Variants in CNTNAP2 observed in about 807,000 individuals in gnomAD.
CNTNAP2 encodes contactin-associated protein-like 2.
CNTNAP2 carries 98 observed loss-of-function variants against 155.2 expected under a neutral mutation model. The ratio of observed to expected loss-of-function variants is 0.63; its 90% CI spans 0.54 to 0.75. The LOEUF is 0.75. Ranked by LOEUF, CNTNAP2 falls within the 30% of genes least tolerant of loss-of-function variation. CNTNAP2 has a pLI of 0.00. For synonymous variants in CNTNAP2, 651 were observed against 631.2 expected, an observed-to-expected ratio of 1.03 and a Z score of -0.47; for missense variants, 1,727 against 1,688.1, an observed-to-expected ratio of 1.02 and a Z score of -0.40.
intron 1 of CNTNAP2, among the ~76,000 whole-genome samples, chr7:146,176,369 A>T (rs1798470059): frequency 6.6e-6 from 1 of 152,164 alleles, no homozygotes; most frequent in Admixed American, 6.5e-5. Flanking sequence ...TAGGGACTGG[A>T]GGCGTAAAGG....
intron 12 of CNTNAP2, among the ~76,000 whole-genome samples, chr7:147,568,426 G>A (rs577238825): frequency 1.4e-3 from 212 of 152,250 alleles, no homozygotes; most frequent in Non-Finnish European, 2.8e-3. Context: ...AAATTAGGGG[G>A]TGTCCTAAAT....
chr7:146,685,228 G>A (rs958385740), intron 1 of CNTNAP2, among the ~76,000 whole-genome samples: 5 of 152,116 alleles, frequency 3.3e-5, no homozygotes, highest in African/African-American at 1.2e-4. Flanking sequence ...CCACTATCAT[G>A]CCGATTTCAA....
At chr7:146,362,532 G>A (rs1205545870) in intron 1 of CNTNAP2, among the ~76,000 whole-genome samples, 4 of 152,138 alleles carry the variant, frequency 2.6e-5, no homozygotes, top group Non-Finnish European at 5.9e-5. Flanking sequence ...CTTGAGGCAA[G>A]AAATATGTTT....
At chr7:148,364,658 T>C (rs558620018) in intron 21 of CNTNAP2, among the ~76,000 whole-genome samples, 21 of 152,210 alleles carry the variant, frequency 1.4e-4, no homozygotes, top group South Asian at 4.2e-4. Context: ...CTGATGGGGA[T>C]GTGGAGAACC....
At chr7:146,426,772 A>G (rs1584920096) in intron 1 of CNTNAP2, among the ~76,000 whole-genome samples, 1 of 151,996 alleles carries the variant, frequency 6.6e-6, no homozygotes, top group African/African-American at 2.4e-5. Flanking sequence ...AGTTCAAGAG[A>G]TCTTTTATAC....
At position 148,167,802 on chromosome 7, in the gene CNTNAP2, G is replaced by A. The variant is rs1262176621; in HGVS notation, c.2774-4440G>A. Among the ~76,000 whole-genome samples the A allele has an allele frequency of 2.0e-5, 3 of 152,132 alleles. No individual in the cohort carries two copies. The East Asian group carries it at 5.8e-4, about 29-fold the overall frequency. On this transcript the variant is annotated intron_variant, in intron 17 of 23. Coordinates refer to ENST00000361727, the MANE Select transcript of CNTNAP2 (RefSeq NM_014141.6). The stretch of plus-strand genomic sequence containing the variant: ...GGAAAGATCCACAAACACAAGTGCA[G>A]GAAGAGAGATGGATCCATGTAGAAC...
At chr7:146,395,307 C>T (rs1253445878) in intron 1 of CNTNAP2, among the ~76,000 whole-genome samples, 1 of 152,068 alleles carries the variant, frequency 6.6e-6, no homozygotes, top group Non-Finnish European at 1.5e-5. Context: ...GATTCAAACC[C>T]AGGGAGTCCA....
chr7:146,207,959 C>A (rs1798973346), intron 1 of CNTNAP2, among the ~76,000 whole-genome samples: 1 of 151,762 alleles, frequency 6.6e-6, no homozygotes, highest in Admixed American at 6.6e-5. Flanking sequence ...AGTATATTTC[C>A]TGCCAGATTA....
intron 3 of CNTNAP2, among the ~76,000 whole-genome samples, chr7:146,980,229 T>A (rs937480310): frequency 1.3e-5 from 2 of 151,940 alleles, no homozygotes; most frequent in African/African-American, 4.8e-5. Flanking sequence ...GTAGTTCTAG[T>A]AAAGAAACCA....
At chr7:146,690,347 A>G (rs2642486) in intron 1 of CNTNAP2, among the ~76,000 whole-genome samples, 121,767 of 152,114 alleles carry the variant, frequency 0.8, 49,329 homozygotes, top group South Asian at 0.91. Context: ...TGGTCACTGC[A>G]CATGTATAAT....
intron 1 of CNTNAP2, among the ~76,000 whole-genome samples, chr7:146,409,172 G>T (rs995594666): frequency 6.6e-6 from 1 of 152,054 alleles, no homozygotes; most frequent in African/African-American, 2.4e-5. Flanking sequence ...CATTCAAGAC[G>T]TCATTTTAAT....
chr7:146,831,868 G>C lies in CNTNAP2; in HGVS notation c.209-7843G>C, dbSNP rs537322662. On this transcript the variant is annotated intron_variant, in intron 2 of 23. Transcript: ENST00000361727. ...TCCTGTCATTAAATAATATCTGATA[G>C]TATTATATCTTCTTTCTTCTGTTTT... 1.1e-4 allele frequency among the ~76,000 whole-genome samples: 17 copies of C among 152,060 alleles called. 1 individual carries two copies. Among genetic ancestry groups the C allele is most frequent in the African/African-American group, 4.1e-4 (17 of 41,464 alleles).
At chr7:146,500,681 G>C (rs1450699145) in intron 1 of CNTNAP2, among the ~76,000 whole-genome samples, 2 of 152,128 alleles carry the variant, frequency 1.3e-5, no homozygotes, top group South Asian at 2.1e-4. Flanking sequence ...GGATGGCTTT[G>C]TTTCTTCCTT....
intron 11 of CNTNAP2, among the ~76,000 whole-genome samples, chr7:147,488,867 G>C (rs1026242757): frequency 1.3e-5 from 2 of 152,162 alleles, no homozygotes; most frequent in Non-Finnish European, 2.9e-5. Flanking sequence ...ATAATTAACA[G>C]TGCTCACCTC....
chr7:147,479,965 A>G, intron 10 of CNTNAP2, among the ~76,000 whole-genome samples: 1 of 152,160 alleles, frequency 6.6e-6, no homozygotes, highest in East Asian at 1.9e-4. Flanking sequence ...AAGGCAGGAT[A>G]AAATAAATAG....
chr7:148,380,912 C>G (rs1309333405), intron 21 of CNTNAP2, among the ~76,000 whole-genome samples: 4 of 152,246 alleles, frequency 2.6e-5, no homozygotes, highest in Non-Finnish European at 5.9e-5. Context: ...CAGCTTTCAA[C>G]TCCTCATGGG....
intron 11 of CNTNAP2, among the ~76,000 whole-genome samples, chr7:147,526,874 C>T (rs1342533156): frequency 6.6e-6 from 1 of 151,954 alleles, no homozygotes; most frequent in Non-Finnish European, 1.5e-5. Context: ...TTAATTTGTA[C>T]TTGTATTTGT....
intron 8 of CNTNAP2, among the ~76,000 whole-genome samples, chr7:147,262,937 A>G (rs1804524932): frequency 6.6e-6 from 1 of 152,198 alleles, no homozygotes; most frequent in Non-Finnish European, 1.5e-5. Context: ...TCTATTGCTT[A>G]AGCACCCAGT....
intron 8 of CNTNAP2, among the ~76,000 whole-genome samples, chr7:147,210,573 T>C (rs983931539): frequency 6.6e-6 from 1 of 151,940 alleles, no homozygotes; most frequent in African/African-American, 2.4e-5. Flanking sequence ...TTTGTAATGG[T>C]TTTTGGCTTC....
Sources: allele counts gnomAD v4.1 joint callset (sites outside exome capture counted in the v4.1 genomes callset), GRCh38; gene constraint gnomAD v4.1.1; transcripts MANE v1.5; gene names NCBI Gene and HGNC (gene_info 2026-07-23, HGNC 2026-07-21).